PAX3: variants seen among roughly 807,000 people sequenced by gnomAD.
PAX3 encodes paired box protein Pax-3.
In PAX3, 14 loss-of-function variants were observed where a neutral mutation model predicts 51.6. The observed-to-expected ratio is 0.27, with a 90% CI of 0.18 to 0.42. The LOEUF (loss-of-function observed/expected upper bound fraction) is 0.42. PAX3 is among the 10% of genes least tolerant of loss of function. The pLI is 1.00. For synonymous variants in PAX3, 280 were observed against 253.4 expected (o/e 1.11, Z -1.00); for missense variants, 540 against 642.8 (o/e 0.84, Z 1.73).
chr2:222,222,567 CT>C (rs1335586447), intron 5 of PAX3, among the ~76,000 whole-genome samples: 1 of 152,128 alleles, frequency 6.6e-6, no homozygotes, highest in East Asian at 1.9e-4. Flanking sequence ...CCATGCCCAG[CT>C]AATTTTTGTA....
rs1369313083 is a variant in PAX3 at position 222,297,203 on chromosome 2, G to A, written c.96C>T (p.Pro32=). The change falls in exon 2 of 9, where the codon CCC becomes CCT. Residue 32 remains proline, a synonymous_variant. Transcript: ENST00000392070. ...RSGFPLEVST[P]LGQGRVNQLG... ...GCTGGTTGACGCGGCCCTGGCCGAGGGGAGTGGACACTGTGGGAAGGTGAA... is the reference window on the plus strand; with the variant it reads ...GCTGGTTGACGCGGCCCTGGCCGAGAGGAGTGGACACTGTGGGAAGGTGAA... The A allele has an allele frequency of 2.5e-6, 4 of 1,579,716 alleles. No homozygotes were observed. Among genetic ancestry groups the A allele is most frequent in the Admixed American group, 1.8e-5 (1 of 54,380 alleles).
chr2:222,253,429 T>C (rs1693513748), intron 4 of PAX3, among the ~76,000 whole-genome samples: 1 of 152,162 alleles, frequency 6.6e-6, no homozygotes, highest in South Asian at 2.1e-4. Flanking sequence ...GAGTATGACT[T>C]AGCATCCAAA....
At chr2:222,224,212 C>A (rs1415755218) in intron 5 of PAX3, among the ~76,000 whole-genome samples, 1 of 152,076 alleles carries the variant, frequency 6.6e-6, no homozygotes, top group Admixed American at 6.6e-5. Flanking sequence ...TCTATTATAT[C>A]CACAATAAAA....
intron 4 of PAX3, among the ~76,000 whole-genome samples, chr2:222,272,868 T>A (rs767822494): frequency 6.6e-6 from 1 of 152,192 alleles, no homozygotes; most frequent in East Asian, 1.9e-4. Flanking sequence ...AATTATGACA[T>A]GTTGACTGCC....
rs767572436 is a variant in PAX3, at chr2:222,220,257, A to C, written c.1056T>G (p.Ser352=). The C allele has an allele frequency of 1.2e-6, 2 of 1,614,054 alleles. No individual in the cohort carries two copies. Among genetic ancestry groups the C allele is most frequent in the Admixed American group, 1.7e-5 (1 of 60,016 alleles). Residue 352 remains serine, a synonymous_variant, in exon 7 of 9, where the codon TCT becomes TCG. Coordinates refer to ENST00000392070, the MANE Select transcript of PAX3 (RefSeq NM_181458.4). ...STIPSNPDSS[S]AYCLPSTRHG... is the part of the protein sequence containing the mutation. ...GCCTGGTGCTGGGGAGGCAGTAGGC[A>C]GAGCTGCTGTCTGGGTTGGAAGGAA...
In PAX3 at chr2:222,200,961, A is replaced by T. The variant is rs534471695; in HGVS notation, c.*447T>A. 1 of 596,898 alleles carries T rather than the reference A, an allele frequency of 1.7e-6. No homozygotes were observed. The highest frequency in any genetic ancestry group is 2.9e-5 in the Admixed American group (1 of 34,022). 37.0% of individuals were successfully genotyped at this position (596,898 alleles called of 1,614,324 possible). On this transcript the variant is annotated 3_prime_UTR_variant, in exon 9 of 9. Transcript: ENST00000392070. ...AGAAGTATCAGCATCGAACATCGACATGTTATACTTTAGGGTATTCTATTA... is the reference window on the plus strand; with the variant it reads ...AGAAGTATCAGCATCGAACATCGACTTGTTATACTTTAGGGTATTCTATTA...
At position 222,201,445 on chromosome 2, in the gene PAX3, G is replaced by A. The variant is rs1279466653; in HGVS notation, c.1421-3C>T. The A allele has an allele frequency of 1.9e-6, 3 of 1,614,116 alleles. No homozygotes were observed. Among genetic ancestry groups the A allele is most frequent in the Non-Finnish European group, 2.5e-6 (3 of 1,179,998 alleles). On this transcript the variant is annotated splice_polypyrimidine_tract_variant and splice_region_variant and intron_variant, in intron 8 of 8. Transcript: ENST00000392070. ...TGGCTTGAGATAATGAAAGGCACCT[G>A]TAAGGAAACACACGCAGCTTTTTAG...
chr2:222,245,918 T>A (rs1368733092), intron 4 of PAX3, among the ~76,000 whole-genome samples: 7 of 151,966 alleles, frequency 4.6e-5, no homozygotes, highest in African/African-American at 1.7e-4. Context: ...GAGGCAGAGG[T>A]TGCAGTGAGT....
intron 5 of PAX3, among the ~76,000 whole-genome samples, chr2:222,228,237 C>G (rs1049129067): frequency 3.3e-5 from 5 of 152,098 alleles, no homozygotes; most frequent in African/African-American, 4.8e-5. Context: ...CATGATGTGT[C>G]TCAAGGGAAC....
intron 5 of PAX3, among the ~76,000 whole-genome samples, chr2:222,225,420 AG>A (rs1451965406): frequency 1.3e-5 from 2 of 152,220 alleles, no homozygotes; most frequent in Non-Finnish European, 2.9e-5. Flanking sequence ...TAGGAAAAAA[AG>A]ATAATAATTA....
rs1052678215 is a variant in PAX3 at position 222,298,754 on chromosome 2, C to T, written c.-139G>A. 3 of 807,724 alleles carry T rather than the reference C, an allele frequency of 3.7e-6. No individual in the cohort carries two copies. The highest frequency in any genetic ancestry group is 1.7e-5 in the African/African-American group (1 of 59,176). 50.0% of individuals were successfully genotyped at this position (807,724 alleles called of 1,614,324 possible). On this transcript the variant is annotated 5_prime_UTR_variant, in exon 1 of 9. Coordinates refer to ENST00000392070, the MANE Select transcript of PAX3 (RefSeq NM_181458.4). ...ACGGCTGGAGAGAGAGGGAGGGACGCGGGGAGGGGGGCTGTCGGTTCCTAG... is the reference window on the plus strand; with the variant it reads ...ACGGCTGGAGAGAGAGGGAGGGACGTGGGGAGGGGGGCTGTCGGTTCCTAG...
At chr2:222,291,619 A>T (rs1413384816) in intron 4 of PAX3, among the ~76,000 whole-genome samples, 1 of 152,196 alleles carries the variant, frequency 6.6e-6, no homozygotes, top group Non-Finnish European at 1.5e-5. Context: ...AGCCAGGCTC[A>T]GCAGCACCCA....
intron 4 of PAX3, among the ~76,000 whole-genome samples, chr2:222,280,041 T>G (rs576582146): frequency 6.6e-6 from 1 of 152,020 alleles, no homozygotes; most frequent in African/African-American, 2.4e-5. Context: ...TAAAACCCCA[T>G]CTCTACTAAA....
At chr2:222,249,580 G>A (rs555899582) in intron 4 of PAX3, among the ~76,000 whole-genome samples, 7 of 151,928 alleles carry the variant, frequency 4.6e-5, no homozygotes, top group South Asian at 4.4e-4. Flanking sequence ...AAGCTTTTCC[G>A]ATTTGGGAAG....
intron 4 of PAX3, 156 bp downstream of exon 4, chr2:222,294,011 T>C (rs1574763542): frequency 1.3e-6 from 2 of 1,544,894 alleles, no homozygotes; most frequent in East Asian, 4.5e-5. Context: ...GTCCCTCTGG[T>C]CTTTCAGTTC....
At chr2:222,267,042 T>G (rs997636907) in intron 4 of PAX3, among the ~76,000 whole-genome samples, 4 of 152,160 alleles carry the variant, frequency 2.6e-5, no homozygotes, top group Admixed American at 2.6e-4. Flanking sequence ...CTTGATAAAT[T>G]TATTCACAGC....
intron 4 of PAX3, among the ~76,000 whole-genome samples, chr2:222,269,506 G>A (rs1469940109): frequency 6.6e-6 from 1 of 152,266 alleles, no homozygotes; most frequent in East Asian, 1.9e-4. Flanking sequence ...GTGAAGAGGA[G>A]GCTGGCCTGT....
At chr2:222,227,795 T>C (rs1177574227) in intron 5 of PAX3, among the ~76,000 whole-genome samples, 1 of 152,088 alleles carries the variant, frequency 6.6e-6, no homozygotes, top group African/African-American at 2.4e-5. Flanking sequence ...ACAACAGTTC[T>C]TACATTGTGT....
rs374316051 is a variant in PAX3, at chr2:222,281,589, G to C, written c.586+12578C>G. On this transcript the variant is annotated intron_variant, in intron 4 of 8. Transcript: ENST00000392070. ...GCCTAGAAGCAAATTATTTTATATGGTCTAAATGTTTGTTGAGAACATCAC... is the reference window on the plus strand; with the variant it reads ...GCCTAGAAGCAAATTATTTTATATGCTCTAAATGTTTGTTGAGAACATCAC... Among the ~76,000 whole-genome samples, 5 of 152,160 alleles carry C rather than the reference G, an allele frequency of 3.3e-5. 1 individual carries two copies. The East Asian group carries it at 9.6e-4, about 29-fold the overall frequency.
Sources: allele counts gnomAD v4.1 joint callset (sites outside exome capture counted in the v4.1 genomes callset), GRCh38; gene constraint gnomAD v4.1.1; transcripts MANE v1.5; gene names NCBI Gene and HGNC (gene_info 2026-07-23, HGNC 2026-07-21).